The following DLGAP1 variants were observed in gnomAD, a reference collection of about 807,000 sequenced individuals.
The protein encoded by DLGAP1 is DLG associated protein 1.
A neutral mutation model predicts 90.8 loss-of-function variants in DLGAP1; 11 were observed. The ratio of observed to expected loss-of-function variants is 0.12; its 90% CI spans 0.08 to 0.20. DLGAP1 has a LOEUF of 0.20. Among genes scored for constraint, DLGAP1 ranks in the 10% least tolerant of loss-of-function variants. The pLI, the probability that DLGAP1 is intolerant of heterozygous loss-of-function variation, is 1.00. For missense variants in DLGAP1, 1,050 were observed against 1,333.8 expected (o/e 0.79, Z 3.31); for synonymous variants, 558 against 540.7 (o/e 1.03, Z -0.44).
At chr18:3,886,055 G>A (rs891846953) in intron 3 of DLGAP1, among the ~76,000 whole-genome samples, 1 of 152,164 alleles carries the variant, frequency 6.6e-6, no homozygotes, top group African/African-American at 2.4e-5. Context: ...ATTTAGAGCT[G>A]CTTTTCTTGA....
intron 3 of DLGAP1, among the ~76,000 whole-genome samples, chr18:3,881,429 CTT>C (rs950075226): frequency 6.6e-6 from 1 of 152,196 alleles, no homozygotes; most frequent in African/African-American, 2.4e-5. Context: ...TAGTTCCTCT[CTT>C]GTGTTTCCAC....
At chr18:4,184,001 AC>A (rs1446800073) in intron 1 of DLGAP1, among the ~76,000 whole-genome samples, 1 of 152,174 alleles carries the variant, frequency 6.6e-6, no homozygotes, top group East Asian at 1.9e-4. Context: ...ATAATATTCT[AC>A]AAGCAGTCTA....
intron 3 of DLGAP1, among the ~76,000 whole-genome samples, chr18:3,979,770 C>T (rs149489581): frequency 6.6e-6 from 1 of 152,322 alleles, no homozygotes; most frequent in Admixed American, 6.5e-5. Flanking sequence ...CTGAATCCTT[C>T]TATGATGTAT....
At chr18:4,052,599 C>T (rs907351427) in intron 2 of DLGAP1, among the ~76,000 whole-genome samples, 6 of 152,182 alleles carry the variant, frequency 3.9e-5, no homozygotes, top group African/African-American at 1.4e-4. Context: ...AGGTCTCTGA[C>T]ATGCCCTGGA....
At chr18:3,885,808 A>G (rs191010788) in intron 3 of DLGAP1, among the ~76,000 whole-genome samples, 1 of 152,324 alleles carries the variant, frequency 6.6e-6, no homozygotes, top group East Asian at 1.9e-4. Context: ...AGACAAGCTC[A>G]GAGTGTGAGA....
At chr18:4,254,407 G>A (rs1339953350) in intron 1 of DLGAP1, among the ~76,000 whole-genome samples, 2 of 152,132 alleles carry the variant, frequency 1.3e-5, no homozygotes, top group East Asian at 1.9e-4. Flanking sequence ...ATGGTTATTC[G>A]GCTTGTAAGC....
At chr18:4,171,583 A>G (rs2077027133) in intron 1 of DLGAP1, among the ~76,000 whole-genome samples, 1 of 151,822 alleles carries the variant, frequency 6.6e-6, no homozygotes, top group Non-Finnish European at 1.5e-5. Flanking sequence ...AAAAAGAAAA[A>G]AAAGAAAGTA....
Position 4,013,638 on chromosome 18 carries a change from C to T in DLGAP1, c.-158-8437G>A, listed in dbSNP as rs142107323. 81 of 152,264 alleles carry T rather than the reference C, an allele frequency of 5.3e-4. 1 individual carries two copies. The East Asian group carries it at 0.014, about 26-fold the overall frequency. 9.4% of individuals were successfully genotyped at this position (152,264 alleles called of 1,614,324 possible). On this transcript the variant is annotated intron_variant, in intron 2 of 12. Transcript: ENST00000315677. The stretch of plus-strand genomic sequence containing the variant: ...TTTCAGTGCAGGTTTCTCATACTTC[C>T]GGAGAAATAGAAAGCACCAGATGAC...
chr18:3,539,307 AC>A (rs1378798956), intron 9 of DLGAP1, among the ~76,000 whole-genome samples: 1 of 152,102 alleles, frequency 6.6e-6, no homozygotes, highest in Non-Finnish European at 1.5e-5. Context: ...CAAAAGCTGA[AC>A]CCAGTGGCTT....
rs561713559 is a variant in DLGAP1 at position 3,813,538 on chromosome 18, T to C, written c.1172+521A>G. Among the ~76,000 whole-genome samples the C allele has an allele frequency of 4.6e-5, 7 of 152,306 alleles. No homozygotes were observed. The South Asian group carries it at 1.5e-3, about 32-fold the overall frequency. On this transcript the variant is annotated intron_variant, in intron 5 of 12. Coordinates refer to ENST00000315677, the MANE Select transcript of DLGAP1 (RefSeq NM_004746.4). Reference sequence around the variant, plus strand: ...TTAAGGCCTTCAATTGTAATACATATCGAGTGCCCAAATTTAAAAATGTAT... The same window carrying C: ...TTAAGGCCTTCAATTGTAATACATACCGAGTGCCCAAATTTAAAAATGTAT...
intron 2 of DLGAP1, among the ~76,000 whole-genome samples, chr18:4,130,845 C>A (rs2076302670): frequency 6.6e-6 from 1 of 152,070 alleles, no homozygotes; most frequent in Non-Finnish European, 1.5e-5. Context: ...GGAAAACAAC[C>A]AGAGAATGCC....
At chr18:4,013,450 T>C (rs1010179420) in intron 2 of DLGAP1, among the ~76,000 whole-genome samples, 2 of 152,126 alleles carry the variant, frequency 1.3e-5, no homozygotes, top group African/African-American at 4.8e-5. Context: ...TTCAAATGGG[T>C]AGTGCACTTT....
intron 1 of DLGAP1, among the ~76,000 whole-genome samples, chr18:4,405,775 C>T (rs1392925963): frequency 6.6e-6 from 1 of 152,168 alleles, no homozygotes; most frequent in Non-Finnish European, 1.5e-5. Context: ...ATCACTGGTG[C>T]CACCAACAGG....
chr18:3,639,755 C>CTTTTTTTTTTTTT lies in DLGAP1; in HGVS notation c.1592-57520_1592-57508dup, dbSNP rs58862252. On this transcript the variant is annotated intron_variant, in intron 7 of 12. Transcript: ENST00000315677. ...GTTCTCCTGCTACCTGCAGAGTTGC[C>CTTTTTTTTTTTTT]TTTTTTTTTTTTTTTTTGAGACAGA... is the stretch of plus-strand genomic sequence containing the variant. Among the ~76,000 whole-genome samples, 49 of 118,266 alleles carry CTTTTTTTTTTTTT rather than the reference C, an allele frequency of 4.1e-4. 1 individual carries two copies. Among genetic ancestry groups the CTTTTTTTTTTTTT allele is most frequent in the East Asian group, 2.6e-3 (11 of 4,206 alleles). 77.6% of individuals were successfully genotyped at this position (118,266 alleles called of 152,430 possible).
At chr18:3,971,647 A>G (rs989506921) in intron 3 of DLGAP1, among the ~76,000 whole-genome samples, 1 of 152,236 alleles carries the variant, frequency 6.6e-6, no homozygotes, top group African/African-American at 2.4e-5. Flanking sequence ...TCTTTTGTCC[A>G]TCTATCCTTT....
intron 5 of DLGAP1, among the ~76,000 whole-genome samples, chr18:3,797,327 A>C (rs1049963796): frequency 6.8e-6 from 1 of 147,700 alleles, no homozygotes; most frequent in African/African-American, 2.5e-5. Flanking sequence ...TGTCTCAGGA[A>C]AAAAAAAAAA....
intron 7 of DLGAP1, among the ~76,000 whole-genome samples, chr18:3,600,997 T>TAG (rs2056974832): frequency 7.4e-6 from 1 of 135,394 alleles, no homozygotes; most frequent in African/African-American, 3.0e-5. Context: ...GATATATAGA[T>TAG]ATATAGATAT....
At chr18:3,716,513 G>A (rs1008145916) in intron 7 of DLGAP1, among the ~76,000 whole-genome samples, 18 of 150,846 alleles carry the variant, frequency 1.2e-4, no homozygotes, top group African/African-American at 3.9e-4. Flanking sequence ...TCCAGCCTGG[G>A]TGACACAGTG....
rs2081213653 is a variant in DLGAP1 at position 4,342,529 on chromosome 18, T to G, written c.-267+112477A>C. On this transcript the variant is annotated intron_variant, in intron 1 of 12. Coordinates refer to ENST00000315677, the MANE Select transcript of DLGAP1 (RefSeq NM_004746.4). This position sits in a 1 kb window ranked among gnomAD's most constrained non-coding sequence, Gnocchi z 5.8. Reference sequence around the variant, plus strand: ...CCTCATTGCCCACTTTGAAAGACCATATGGTGCATTTACTTGTAAATGCTT... The same window carrying G: ...CCTCATTGCCCACTTTGAAAGACCAGATGGTGCATTTACTTGTAAATGCTT... Among the ~76,000 whole-genome samples the G allele has an allele frequency of 2.0e-5, 3 of 152,090 alleles. No individual in the cohort carries two copies. The South Asian group carries it at 6.2e-4, about 32-fold the overall frequency.
Sources: allele counts gnomAD v4.1 joint callset (sites outside exome capture counted in the v4.1 genomes callset), GRCh38; gene constraint gnomAD v4.1.1; non-coding constraint Gnocchi (gnomAD v3.1); transcripts MANE v1.5; gene names NCBI Gene and HGNC (gene_info 2026-07-23, HGNC 2026-07-21).